The following CCDC83 variants were observed in gnomAD, a reference collection of about 807,000 sequenced individuals.
CCDC83 encodes the protein coiled-coil domain-containing protein 83.
Under a neutral mutation model 50.1 loss-of-function variants are expected in CCDC83, and 54 were observed. The observed-to-expected ratio is 1.08, with a 90% CI of 0.87 to 1.35. CCDC83 has a LOEUF of 1.35. Ranked by LOEUF, CCDC83 falls within the 40% of genes most tolerant of loss-of-function variation. The pLI is 0.00. For synonymous variants in CCDC83, 161 were observed against 153.3 expected, an observed-to-expected ratio of 1.05 and a Z score of -0.37; for missense variants, 518 against 473.9, an observed-to-expected ratio of 1.09 and a Z score of -0.86.
At chr11:85,901,633 C>A (rs1220108198) in intron 7 of CCDC83, among the ~76,000 whole-genome samples, 1 of 136,998 alleles carries the variant, frequency 7.3e-6, no homozygotes, top group Non-Finnish European at 1.6e-5. Context: ...ACAGGGAAGA[C>A]CACAATACAA....
intron 2 of CCDC83, among the ~76,000 whole-genome samples, chr11:85,868,951 T>C (rs910722480): frequency 6.6e-6 from 1 of 152,256 alleles, no homozygotes. Context: ...TCTGTACCTC[T>C]AGTATCTAGC....
chr11:85,899,982 G>A (rs2093393494), intron 7 of CCDC83, among the ~76,000 whole-genome samples: 1 of 152,174 alleles, frequency 6.6e-6, no homozygotes, highest in African/African-American at 2.4e-5. Context: ...TTAACTAGCA[G>A]GTGAGATTTC....
chr11:85,886,793 GC>G (rs1308838171), intron 5 of CCDC83, among the ~76,000 whole-genome samples: 1 of 152,158 alleles, frequency 6.6e-6, no homozygotes, highest in African/African-American at 2.4e-5. Flanking sequence ...CATGCCTGTA[GC>G]CCCAGCTACT....
At chr11:85,900,494 TAC>T (rs2093396104) in intron 7 of CCDC83, among the ~76,000 whole-genome samples, 1 of 152,180 alleles carries the variant, frequency 6.6e-6, no homozygotes, top group African/African-American at 2.4e-5. Flanking sequence ...CCATACCACA[TAC>T]AGTCTCCAGT....
rs1458003371 is a variant in CCDC83, at chr11:85,919,632, G to T, written c.*122G>T. ...TTTTAAACCAGCTGTTATTTCTAAA[G>T]GTCATATTTACATTTAAAATCAAAG... On this transcript the variant is annotated 3_prime_UTR_variant, in exon 11 of 11. Coordinates refer to ENST00000342404, the MANE Select transcript of CCDC83 (RefSeq NM_001286159.2). 7 of 728,392 alleles carry T rather than the reference G, an allele frequency of 9.6e-6. No individual in the cohort carries two copies. Among genetic ancestry groups the T allele is most frequent in the Middle Eastern group, 3.8e-4 (1 of 2,608 alleles). 45.1% of individuals were successfully genotyped at this position (728,392 alleles called of 1,614,324 possible). A position where few individuals can be genotyped will look rare whatever the true frequency, so the allele number is the denominator to read the frequency against.
intron 1 of CCDC83, among the ~76,000 whole-genome samples, chr11:85,856,467 T>TG (rs2093141729): frequency 6.6e-6 from 1 of 152,018 alleles, no homozygotes; most frequent in Non-Finnish European, 1.5e-5. Flanking sequence ...ACAGTAAGAG[T>TG]GGGAAAAAAA....
At chr11:85,890,506 G>C in intron 5 of CCDC83, among the ~76,000 whole-genome samples, 1 of 152,160 alleles carries the variant, frequency 6.6e-6, no homozygotes, top group East Asian at 1.9e-4. Context: ...CAACTTCTAA[G>C]GACAGTACTT....
chr11:85,915,453 G>A lies in CCDC83; in HGVS notation c.829G>A (p.Val277Met). The stretch of plus-strand genomic sequence containing the variant: ...TCTTACCCAAGCTGCTGGACTAGAA[G>A]TGCCACCTGAAGAAATGTCTTTGGA... The part of the protein sequence containing the change: ...LYLTQAAGLE[V>M]PPEEMSLELP... The change falls in exon 9 of 11, where the codon GTG becomes ATG. Residue 277 changes from valine to methionine, a missense_variant. By Grantham distance (21) the Val-to-Met change is conservative. Transcript: ENST00000342404. The A allele has an allele frequency of 6.2e-7, 1 of 1,613,448 alleles. No homozygotes were observed. Among genetic ancestry groups the A allele is most frequent in the Non-Finnish European group, 8.5e-7 (1 of 1,179,696 alleles).
chr11:85,887,659 C>CATATAT (rs145805921), intron 5 of CCDC83, among the ~76,000 whole-genome samples: 19,292 of 148,420 alleles, frequency 0.13, 1,373 homozygotes, highest in Middle Eastern at 0.17. Context: ...ATATTCTATG[C>CATATAT]ATATATATAT....
chr11:85,869,507 A>G (rs917643392), intron 2 of CCDC83, among the ~76,000 whole-genome samples: 1 of 152,322 alleles, frequency 6.6e-6, no homozygotes, highest in East Asian at 1.9e-4. Context: ...CCTTCCCAGA[A>G]TTTTCAATGA....
intron 2 of CCDC83, among the ~76,000 whole-genome samples, chr11:85,867,028 T>C (rs1476242363): frequency 6.6e-6 from 1 of 152,184 alleles, no homozygotes; most frequent in Non-Finnish European, 1.5e-5. Context: ...GGAGAGCCCA[T>C]GATGCTAGTG....
intron 3 of CCDC83, among the ~76,000 whole-genome samples, chr11:85,878,934 T>G (rs1259056864): frequency 6.6e-6 from 1 of 152,180 alleles, no homozygotes; most frequent in Non-Finnish European, 1.5e-5. Context: ...TGGCTAATGA[T>G]GTTGAATATC....
intron 3 of CCDC83, among the ~76,000 whole-genome samples, chr11:85,881,363 A>ACTAC (rs1467764265): frequency 1.3e-5 from 2 of 149,512 alleles, no homozygotes; most frequent in African/African-American, 5.0e-5. Flanking sequence ...ACAGAGCAAG[A>ACTAC]CTCCATCCCC....
Position 85,919,572 on chromosome 11 carries a change from T to C in CCDC83, c.*62T>C. The C allele has an allele frequency of 4.1e-6, 5 of 1,234,388 alleles. No homozygotes were observed. Among genetic ancestry groups the C allele is most frequent in the Non-Finnish European group, 5.8e-6 (5 of 869,316 alleles). The allele number at this position is 1,234,388 out of a possible 1,614,324, so 76.5% of individuals were successfully genotyped here. Reference sequence around the variant, plus strand: ...TAAATGTTCTTTGGGAACTGAAGTATATCCGTTGCCCATTTTACTTACACT... The same window carrying C: ...TAAATGTTCTTTGGGAACTGAAGTACATCCGTTGCCCATTTTACTTACACT... On this transcript the variant is annotated 3_prime_UTR_variant, in exon 11 of 11. Coordinates refer to ENST00000342404, the MANE Select transcript of CCDC83 (RefSeq NM_001286159.2).
At chr11:85,916,857 C>A (rs896383767) in intron 10 of CCDC83, 1 of 152,530 alleles carries the variant, frequency 6.6e-6, no homozygotes. Flanking sequence ...ATGCCTGTAA[C>A]CCCAGCACTT....
intron 5 of CCDC83, among the ~76,000 whole-genome samples, chr11:85,890,285 T>G (rs2093345625): frequency 6.6e-6 from 1 of 152,164 alleles, no homozygotes; most frequent in South Asian, 2.1e-4. Context: ...GGGCCTGCAC[T>G]CCCGAGTTTG....
intron 3 of CCDC83, among the ~76,000 whole-genome samples, chr11:85,873,874 G>A (rs534442274): frequency 6.6e-6 from 1 of 152,242 alleles, no homozygotes; most frequent in South Asian, 2.1e-4. Flanking sequence ...ATCCCTCAAG[G>A]TATCTCATGA....
upstream of CCDC83, chr11:85,855,375 C>G (rs1340391431): frequency 6.6e-6 from 1 of 152,408 alleles, no homozygotes; most frequent in Non-Finnish European, 1.5e-5. Flanking sequence ...TCGCGCCCTC[C>G]TGGTCTTGTC....
Position 85,882,595 on chromosome 11 carries a change from C to T in CCDC83, c.263C>T (p.Pro88Leu), listed in dbSNP as rs1592155627. The T allele has an allele frequency of 3.1e-6, 5 of 1,613,682 alleles. No individual in the cohort carries two copies. In the African/African-American group the frequency reaches 4.0e-5, roughly 13 times the overall value. Residue 88 changes from proline (P) to leucine (L), a missense_variant, in exon 4 of 11, where the codon CCA becomes CTA. By Grantham distance (98) the Pro-to-Leu change is moderately conservative (BLOSUM62 -3). Transcript: ENST00000342404. Reference sequence around the variant, plus strand: ...AGTGAAGAGAAGGCAGAGGGATTGCCAGTTGTAACAAGAGAGGATGTTGAA... The same window carrying T: ...AGTGAAGAGAAGGCAGAGGGATTGCTAGTTGTAACAAGAGAGGATGTTGAA... Reference protein sequence around the residue: ...ELSEEKAEGLPVVTREDVEEA... With the variant: ...ELSEEKAEGLLVVTREDVEEA...
Sources: allele counts gnomAD v4.1 joint callset (sites outside exome capture counted in the v4.1 genomes callset), GRCh38; gene constraint gnomAD v4.1.1; transcripts MANE v1.5; gene names NCBI Gene and HGNC (gene_info 2026-07-23, HGNC 2026-07-21).